ADH7: variants seen among roughly 807,000 people sequenced by gnomAD.
ADH7 encodes the protein all-trans-retinol dehydrogenase [NAD(+)] ADH7.
A neutral mutation model predicts 34.4 loss-of-function variants in ADH7; 41 were observed. The observed-to-expected ratio is 1.19, with a 90% CI of 0.93 to 1.55. The LOEUF (loss-of-function observed/expected upper bound fraction) is 1.55. ADH7 is among the 40% of genes most tolerant of loss of function. The probability of loss-of-function intolerance (pLI) is 0.00; values close to 1 mark genes in which losing one functional copy is unlikely to be tolerated. For synonymous variants in ADH7, 180 were observed against 160.9 expected, an observed-to-expected ratio of 1.12 and a Z score of -0.90; for missense variants, 540 against 461.2, an observed-to-expected ratio of 1.17 and a Z score of -1.56.
At chr4:99,425,596 C>T (rs1325577034) in intron 5 of ADH7, among the ~76,000 whole-genome samples, 1 of 152,004 alleles carries the variant, frequency 6.6e-6, no homozygotes, top group Non-Finnish European at 1.5e-5. Flanking sequence ...CTTAGACTCC[C>T]ACACAATAAT....
chr4:99,427,761 C>T lies in ADH7; in HGVS notation c.564+12G>A, dbSNP rs757714007. ...AAGAAGAACAAATAAACTAGCCTAC[C>T]CTGTTTCTTACCTTGCCAGTTTTAA... is the stretch of plus-strand genomic sequence containing the variant. On this transcript the variant is annotated intron_variant, in intron 5 of 8. Coordinates refer to ENST00000437033, the MANE Select transcript of ADH7 (RefSeq NM_000673.7). The T allele has an allele frequency of 8.7e-6, 13 of 1,502,362 alleles. No homozygotes were observed. The South Asian group carries it at 1.6e-4, about 18-fold the overall frequency. The allele number at this position is 1,502,362 out of a possible 1,614,324, so 93.1% of individuals were successfully genotyped here.
In ADH7 at chr4:99,435,097, C is replaced by A. The variant is rs1275427966; in HGVS notation, c.18+119G>T. 2.6e-6 allele frequency: 4 copies of A among 1,550,702 alleles called. No homozygotes were observed. The Admixed American group carries it at 7.8e-5, about 30-fold the overall frequency. On this transcript the variant is annotated intron_variant, in intron 1 of 8. Coordinates refer to ENST00000437033, the MANE Select transcript of ADH7 (RefSeq NM_000673.7). ...CCTCACTGTATGCCTGCTCACCAAG[C>A]ATTTCATTCCTCAAGGAATATCTCC...
intron 8 of ADH7, among the ~76,000 whole-genome samples, chr4:99,415,110 A>G (rs945370926): frequency 3.9e-5 from 6 of 152,062 alleles, no homozygotes; most frequent in Non-Finnish European, 7.4e-5. Flanking sequence ...ACAAGATCTG[A>G]TGGTTTTGTA....
intron 5 of ADH7, among the ~76,000 whole-genome samples, chr4:99,425,170 G>T (rs1721770046): frequency 6.6e-6 from 1 of 151,568 alleles, no homozygotes; most frequent in East Asian, 1.9e-4. Context: ...AAAATAACCA[G>T]CTAACATCAT....
At position 99,415,472 on chromosome 4, in the gene ADH7, A is replaced by T. The variant is rs372551830; in HGVS notation, c.1100+6T>A. ...AAGAGACAAGATCATCATAAGAAAC[A>T]GTTACCTTTGTCCTGAATTGAGCAG... is the stretch of plus-strand genomic sequence containing the variant. On this transcript the variant is annotated splice_donor_region_variant and intron_variant, in intron 8 of 8. Transcript: ENST00000437033. 7 of 1,609,592 alleles carry T rather than the reference A, an allele frequency of 4.3e-6. No individual in the cohort carries two copies. The highest frequency in any genetic ancestry group is 4.2e-6 in the Non-Finnish European group (5 of 1,178,044).
intron 7 of ADH7, 79 bp downstream of exon 7, chr4:99,418,907 G>C: frequency 6.5e-7 from 1 of 1,531,180 alleles, no homozygotes; most frequent in South Asian, 1.2e-5. Flanking sequence ...AGAAAGGCCT[G>C]AGGAAACAGG....
At chr4:99,423,645 T>C (rs561601876) in intron 5 of ADH7, among the ~76,000 whole-genome samples, 2 of 152,380 alleles carry the variant, frequency 1.3e-5, no homozygotes, top group South Asian at 4.1e-4. Flanking sequence ...TGAGCATTTT[T>C]CCACATGTTT....
At position 99,428,159 on chromosome 4, in the gene ADH7, G is replaced by A. The variant is rs1385249233; in HGVS notation, c.275C>T (p.Pro92Leu). 3 of 1,613,750 alleles carry A rather than the reference G, an allele frequency of 1.9e-6. No homozygotes were observed. Among genetic ancestry groups the A allele is most frequent in the African/African-American group, 1.3e-5 (1 of 74,920 alleles). The part of the protein sequence containing the change: ...TTVKPGDKVI[P>L]LFLPQCRECN... ...TTCTCTACATTGTGGCAGAAAGAGA[G>A]GGATGACTTTGTCACCTACAGGAAA... Residue 92 changes from proline (P) to leucine (L), a missense_variant, in exon 4 of 9, where the codon CCT (proline) becomes CTT (leucine). Pro to Leu is a moderately conservative substitution (Grantham distance 98). Coordinates refer to ENST00000437033, the MANE Select transcript of ADH7 (RefSeq NM_000673.7).
chr4:99,413,535 T>C (rs555933003), intron 8 of ADH7, among the ~76,000 whole-genome samples: 1 of 152,276 alleles, frequency 6.6e-6, no homozygotes, highest in South Asian at 2.1e-4. Context: ...CTTCCCTCAC[T>C]TTATCCCAAA....
intron 2 of ADH7, 58 bp from the exon 3 acceptor site, chr4:99,428,688 G>A: frequency 1.3e-6 from 2 of 1,550,856 alleles, no homozygotes; most frequent in Non-Finnish European, 1.7e-6. Flanking sequence ...TCACTGTTGG[G>A]AGAATATTTA....
intron 8 of ADH7, 187 bp downstream of exon 8, chr4:99,415,291 G>GTTTTTT: frequency 1.8e-6 from 1 of 566,930 alleles, no homozygotes; most frequent in Non-Finnish European, 3.0e-6. Flanking sequence ...GTCTCGGGCA[G>GTTTTTT]TTTTTTTTTT....
intron 6 of ADH7, among the ~76,000 whole-genome samples, chr4:99,420,038 T>C (rs750239107): frequency 4.6e-5 from 7 of 152,034 alleles, no homozygotes; most frequent in Non-Finnish European, 8.8e-5. Context: ...GGTTAGAAAA[T>C]TGAAGGTTCA....
intron 6 of ADH7, 47 bp downstream of exon 6, chr4:99,420,486 G>A (rs1154460): frequency 0.45 from 702,631 of 1,568,066 alleles, 159,061 homozygotes; most frequent in Admixed American, 0.55. Flanking sequence ...CCTTGTGCAT[G>A]TCTAATAACT....
intron 1 of ADH7, among the ~76,000 whole-genome samples, chr4:99,432,077 T>G (rs1374633514): frequency 6.6e-6 from 1 of 152,118 alleles, no homozygotes; most frequent in African/African-American, 2.4e-5. Context: ...AAGCGCCCAT[T>G]AATGCTAGAC....
chr4:99,419,050 C>G lies in ADH7; in HGVS notation c.897G>C (p.Lys299Asn). Reference sequence around the variant, plus strand: ...GCAACATCGGGTCATAGGTGAGCATCTTGGCTGATGGAGGAACTCCTACAA... The same window carrying G: ...GCAACATCGGGTCATAGGTGAGCATGTTGGCTGATGGAGGAACTCCTACAA... ...SVVVGVPPSA[K>N]MLTYDPMLLF... The change falls in exon 7 of 9, where the codon AAG (lysine) becomes AAC (asparagine). Residue 299 changes from lysine (K) to asparagine (N), a missense_variant. Coordinates refer to ENST00000437033, the MANE Select transcript of ADH7 (RefSeq NM_000673.7). 1.2e-6 allele frequency: 2 copies of G among 1,613,882 alleles called. No individual in the cohort carries two copies. The highest frequency in any genetic ancestry group is 1.3e-5 in the African/African-American group (1 of 75,028).
In ADH7 at chr4:99,428,719, T is replaced by C. The variant is rs558047465; in HGVS notation, c.121-89A>G. 7.5e-6 allele frequency: 11 copies of C among 1,470,204 alleles called. No individual in the cohort carries two copies. The African/African-American group carries it at 1.4e-4, about 19-fold the overall frequency. The allele number at this position is 1,470,204 out of a possible 1,614,324, so 91.1% of individuals were successfully genotyped here. A position where few individuals can be genotyped will look rare whatever the true frequency, so the allele number is the denominator to read the frequency against. On this transcript the variant is annotated intron_variant, in intron 2 of 8. Transcript: ENST00000437033. ...ATTTAACTTCTTGAAGAAATTATAA[T>C]TGTTTAATCAATATCTTTGCCTAAT...
At chr4:99,430,279 C>A (rs17529509) in intron 1 of ADH7, 11,982 of 152,218 alleles carry the variant, frequency 0.079, 667 homozygotes, top group Middle Eastern at 0.13. Context: ...GCTTGATAGG[C>A]AGGTTAAAGC....
Position 99,435,244 on chromosome 4 carries a change from T to C in ADH7, c.-11A>G. ...TCCAGCAGTGCCCATCCTGTCTTTGTCTTGGATCTGTATTTCTGCAAACAT... is the reference window on the plus strand; with the variant it reads ...TCCAGCAGTGCCCATCCTGTCTTTGCCTTGGATCTGTATTTCTGCAAACAT... On this transcript the variant is annotated 5_prime_UTR_variant, in exon 1 of 9. Transcript: ENST00000437033. 2 of 1,613,516 alleles carry C rather than the reference T, an allele frequency of 1.2e-6. No individual in the cohort carries two copies. Among genetic ancestry groups the C allele is most frequent in the Non-Finnish European group, 8.5e-7 (1 of 1,179,742 alleles).
chr4:99,416,888 A>G (rs1721531555), intron 7 of ADH7, among the ~76,000 whole-genome samples: 1 of 152,036 alleles, frequency 6.6e-6, no homozygotes. Context: ...TATTCCTTCT[A>G]TAGTCTTCCT....
Sources: allele counts gnomAD v4.1 joint callset (sites outside exome capture counted in the v4.1 genomes callset), GRCh38; gene constraint gnomAD v4.1.1; transcripts MANE v1.5; gene names NCBI Gene and HGNC (gene_info 2026-07-23, HGNC 2026-07-21).